Variants in VWDE observed in about 807,000 individuals in gnomAD.
VWDE encodes the protein von Willebrand factor D and EGF domains, also known as von Willebrand factor D and EGF domain-containing protein.
In VWDE, 207 loss-of-function variants were observed where a neutral mutation model predicts 178.4. The ratio of observed to expected loss-of-function variants is 1.16; its 90% confidence interval spans 1.04 to 1.30. The LOEUF (loss-of-function observed/expected upper bound fraction) is 1.30, where lower values mean the gene tolerates loss of function less well. Among genes scored for constraint, VWDE ranks in the 50% most tolerant of loss-of-function variants. The probability of loss-of-function intolerance (pLI) is 0.00; values close to 1 mark genes in which losing one functional copy is unlikely to be tolerated. For synonymous variants in VWDE, 738 were observed against 651.4 expected (o/e 1.13, Z -2.02); for missense variants, 2,287 against 1,901.3 (o/e 1.20, Z -3.77).
At chr7:12,369,491 A>G (rs1783035222) in intron 12 of VWDE, 54 bp downstream of exon 12, 3 of 1,462,110 alleles carry the variant, frequency 2.1e-6, no homozygotes, top group South Asian at 2.9e-5. Context: ...GATCAAACAC[A>G]TTTTTATAAT....
chr7:12,393,359 T>C (rs73678325), intron 2 of VWDE, among the ~76,000 whole-genome samples: 66 of 152,298 alleles, frequency 4.3e-4, no homozygotes, highest in African/African-American at 1.5e-3. Flanking sequence ...GCTACAGTTG[T>C]AAACTTTTAT....
intron 1 of VWDE, among the ~76,000 whole-genome samples, chr7:12,401,542 T>C (rs1784892992): frequency 6.6e-6 from 1 of 152,212 alleles, no homozygotes; most frequent in Admixed American, 6.5e-5. Context: ...GGCATTAAAA[T>C]GCTTGACATC....
chr7:12,383,683 G>C (rs1783964449), intron 3 of VWDE, 82 bp from the exon 4 acceptor site: 1 of 1,197,984 alleles, frequency 8.3e-7, no homozygotes, highest in East Asian at 2.6e-5. Flanking sequence ...ACAATTTATT[G>C]AAGGATGATT....
chr7:12,379,295 A>AC (rs1031868221), intron 6 of VWDE, among the ~76,000 whole-genome samples, 182 bp downstream of exon 6: 7 of 152,138 alleles, frequency 4.6e-5, no homozygotes, highest in Non-Finnish European at 4.4e-5. Context: ...AGTTAACAAG[A>AC]CCCCTCAAAC....
intron 23 of VWDE, among the ~76,000 whole-genome samples, chr7:12,341,686 A>G (rs1054135270): frequency 6.6e-6 from 1 of 152,146 alleles, no homozygotes. Flanking sequence ...CATGAAGGGT[A>G]TCCACTTAAT....
At chr7:12,335,884 A>T (rs1446769918) in intron 27 of VWDE, among the ~76,000 whole-genome samples, 2 of 152,210 alleles carry the variant, frequency 1.3e-5, no homozygotes, top group African/African-American at 4.8e-5. Flanking sequence ...ACCTGGGGAA[A>T]CTTTATTGGT....
At chr7:12,352,688 T>C (rs2128550463) in intron 18 of VWDE, among the ~76,000 whole-genome samples, 1 of 152,302 alleles carries the variant, frequency 6.6e-6, no homozygotes, top group South Asian at 2.1e-4. Context: ...CATCCTATAC[T>C]GTGTTGCTCA....
At chr7:12,357,547 C>T (rs571124555) in intron 16 of VWDE, 32 bp from the exon 17 acceptor site, 135 of 1,545,698 alleles carry the variant, frequency 8.7e-5, no homozygotes, top group Non-Finnish European at 1.1e-4. Context: ...ACTTTATACC[C>T]GTGTAGAAAA....
intron 18 of VWDE, 74 bp from the exon 19 acceptor site, chr7:12,351,787 C>A: frequency 7.6e-7 from 1 of 1,311,158 alleles, no homozygotes; most frequent in Non-Finnish European, 1.0e-6. Flanking sequence ...TAAGAATATA[C>A]AATACAAACG....
chr7:12,332,854 T>G (rs1780801243), intron 28 of VWDE, among the ~76,000 whole-genome samples: 1 of 152,142 alleles, frequency 6.6e-6, no homozygotes, highest in Non-Finnish European at 1.5e-5. Flanking sequence ...CCAGCATACT[T>G]TTATATTCAT....
intron 4 of VWDE, 58 bp downstream of exon 4, chr7:12,383,478 C>T (rs558944381): frequency 1.6e-6 from 2 of 1,275,784 alleles, no homozygotes; most frequent in African/African-American, 3.0e-5. Context: ...ATATAATTAT[C>T]TGTTGAAATA....
At chr7:12,355,431 T>G (rs1322171529) in intron 18 of VWDE, among the ~76,000 whole-genome samples, 2 of 139,170 alleles carry the variant, frequency 1.4e-5, no homozygotes, top group East Asian at 2.1e-4. Context: ...AAAAAAAAAG[T>G]GCTGAAGAAA....
At chr7:12,349,965 G>C (rs543212967) in intron 19 of VWDE, among the ~76,000 whole-genome samples, 1 of 151,894 alleles carries the variant, frequency 6.6e-6, no homozygotes, top group Admixed American at 6.6e-5. Flanking sequence ...TGACTCAAGA[G>C]GAGGCACAAA....
intron 22 of VWDE, 140 bp downstream of exon 22, chr7:12,342,943 T>C (rs1013433911): frequency 2.0e-6 from 1 of 488,518 alleles, no homozygotes; most frequent in Admixed American, 3.7e-5. Flanking sequence ...TTTGGTTTTT[T>C]GTCCTTGCGA....
At chr7:12,380,404 A>AT in intron 5 of VWDE, 82 bp downstream of exon 5, 1 of 1,481,174 alleles carries the variant, frequency 6.8e-7, no homozygotes, top group Admixed American at 2.4e-5. Context: ...GACAAAATCT[A>AT]TTTTTTGGAT....
chr7:12,400,653 A>G (rs1784853647), intron 1 of VWDE, among the ~76,000 whole-genome samples: 1 of 152,006 alleles, frequency 6.6e-6, no homozygotes, highest in African/African-American at 2.4e-5. Context: ...TGTCTCAAAC[A>G]CTTTCAAAAA....
At chr7:12,385,722 A>C (rs1305448337) in intron 3 of VWDE, among the ~76,000 whole-genome samples, 1 of 152,206 alleles carries the variant, frequency 6.6e-6, no homozygotes, top group African/African-American at 2.4e-5. Context: ...TTTAAGTTCT[A>C]AACGGTATTC....
chr7:12,371,999 T>A (rs11769351), intron 10 of VWDE, among the ~76,000 whole-genome samples: 80,697 of 151,708 alleles, frequency 0.53, 22,693 homozygotes, highest in Admixed American at 0.68. Context: ...AGGTTATATA[T>A]GATATATATG....
intron 24 of VWDE, among the ~76,000 whole-genome samples, chr7:12,337,984 G>A (rs75128042): frequency 0.019 from 2,834 of 152,110 alleles, 82 homozygotes; most frequent in African/African-American, 0.064. Context: ...ACACAGGCAA[G>A]CCTGTCCAGA....
Sources: gnomAD v4.1 joint callset for allele counts (sites outside exome capture counted in the v4.1 genomes callset) on GRCh38, gnomAD v4.1.1 for gene constraint, MANE v1.5 for transcripts, NCBI Gene and HGNC (gene_info 2026-07-23, HGNC 2026-07-21) for gene names.